The following ZFAT variants were observed in gnomAD, a reference collection of about 807,000 sequenced individuals.
The protein encoded by ZFAT is zinc finger protein ZFAT.
ZFAT carries 64 observed loss-of-function variants against 117.7 expected under a neutral mutation model. That is an observed-to-expected ratio of 0.54 (90% CI 0.44 to 0.67). ZFAT has a LOEUF of 0.67. Among genes scored for constraint, ZFAT ranks in the 30% least tolerant of loss-of-function variants. ZFAT has a pLI of 0.00. For missense variants in ZFAT, 1,433 were observed against 1,584.5 expected (o/e 0.90, Z 1.62); for synonymous variants, 679 against 615.0 (o/e 1.10, Z -1.54).
chr8:134,618,714 C>T (rs921046283), intron 3 of ZFAT, among the ~76,000 whole-genome samples: 6 of 152,136 alleles, frequency 3.9e-5, no homozygotes, highest in African/African-American at 1.4e-4. Context: ...TCTTAAGTGT[C>T]CATATTCAAA....
the ZFAT span, among the ~76,000 whole-genome samples, chr8:134,730,100 T>A: frequency 6.6e-6 from 1 of 152,178 alleles, no homozygotes; most frequent in Non-Finnish European, 1.5e-5. Context: ...TGCTCCCACT[T>A]GTGTCAGGGA....
intron 3 of ZFAT, among the ~76,000 whole-genome samples, chr8:134,617,260 T>C (rs1048746734): frequency 6.6e-6 from 1 of 152,208 alleles, no homozygotes; most frequent in Non-Finnish European, 1.5e-5. Flanking sequence ...ACTATGGCTC[T>C]GCACAGTCAC....
chr8:134,584,469 C>T (rs769476520), intron 9 of ZFAT, among the ~76,000 whole-genome samples: 1 of 152,332 alleles, frequency 6.6e-6, no homozygotes, highest in Non-Finnish European at 1.5e-5. Context: ...CTGAGTTAGA[C>T]TAAACACAAA....
At chr8:134,758,402 G>T in the ZFAT span, among the ~76,000 whole-genome samples, 1 of 152,234 alleles carries the variant, frequency 6.6e-6, no homozygotes, top group East Asian at 1.9e-4. Flanking sequence ...CCTACTAGCT[G>T]TGTGATGTTG....
intron 3 of ZFAT, among the ~76,000 whole-genome samples, chr8:134,633,865 T>C (rs1027286559): frequency 2.0e-5 from 3 of 152,128 alleles, no homozygotes; most frequent in Non-Finnish European, 4.4e-5. Context: ...GTCAACATGG[T>C]GAAACTCCAT....
At chr8:134,661,349 T>G (rs2131220083) in intron 1 of ZFAT, among the ~76,000 whole-genome samples, 1 of 152,256 alleles carries the variant, frequency 6.6e-6, no homozygotes, top group Middle Eastern at 3.4e-3. Flanking sequence ...TGGCAGCTCC[T>G]GAGAGAGCCA....
At chr8:134,799,642 G>C in the ZFAT span, among the ~76,000 whole-genome samples, 3 of 152,152 alleles carry the variant, frequency 2.0e-5, no homozygotes, top group South Asian at 6.2e-4. Flanking sequence ...GAGGCACAGA[G>C]AGATTAATAA....
the ZFAT span, among the ~76,000 whole-genome samples, chr8:134,818,499 G>C: frequency 6.6e-6 from 1 of 152,202 alleles, no homozygotes; most frequent in Non-Finnish European, 1.5e-5. Flanking sequence ...ATGTAAAATG[G>C]TACTGCCACT....
At chr8:134,515,214 G>A (rs564006752) in intron 13 of ZFAT, among the ~76,000 whole-genome samples, 8 of 152,268 alleles carry the variant, frequency 5.3e-5, no homozygotes, top group Non-Finnish European at 8.8e-5. Flanking sequence ...TCATTGATGG[G>A]CATTTGGGTT....
At chr8:134,522,281 A>G (rs1820721613) in intron 12 of ZFAT, among the ~76,000 whole-genome samples, 1 of 152,158 alleles carries the variant, frequency 6.6e-6, no homozygotes, top group Non-Finnish European at 1.5e-5. Flanking sequence ...CCATCAGACA[A>G]TTTGGCACCT....
intron 12 of ZFAT, among the ~76,000 whole-genome samples, chr8:134,526,830 AT>A (rs1821055004): frequency 9.0e-6 from 1 of 110,716 alleles, no homozygotes; most frequent in African/African-American, 4.9e-5. Context: ...TAAAGTTCAT[AT>A]TCTTTTTTTT....
At chr8:134,751,129 G>T in the ZFAT span, among the ~76,000 whole-genome samples, 1 of 152,088 alleles carries the variant, frequency 6.6e-6, no homozygotes, top group African/African-American at 2.4e-5. Flanking sequence ...GCAGGAAAGA[G>T]CAGAACATGG....
chr8:134,801,345 A>G, the ZFAT span, among the ~76,000 whole-genome samples: 1 of 152,186 alleles, frequency 6.6e-6, no homozygotes, highest in Non-Finnish European at 1.5e-5. Context: ...ATTCCCACAA[A>G]TATCTCCACT....
chr8:134,589,090 T>C (rs1688217874), intron 8 of ZFAT, among the ~76,000 whole-genome samples: 1 of 152,222 alleles, frequency 6.6e-6, no homozygotes, highest in African/African-American at 2.4e-5. Flanking sequence ...TACAGGAGGT[T>C]CCTGGCATTG....
chr8:134,554,032 G>A (rs879008663), intron 11 of ZFAT, among the ~76,000 whole-genome samples: 2 of 152,180 alleles, frequency 1.3e-5, no homozygotes, highest in African/African-American at 4.8e-5. Context: ...AACTACCCAC[G>A]GGGAATGCTG....
chr8:134,530,282 G>C (rs926936185), intron 12 of ZFAT, among the ~76,000 whole-genome samples: 1 of 152,186 alleles, frequency 6.6e-6, no homozygotes. Flanking sequence ...ATTTTTGGGG[G>C]AGTAGAAGAG....
chr8:134,668,299 C>G (rs1320037558), intron 1 of ZFAT, among the ~76,000 whole-genome samples: 1 of 152,178 alleles, frequency 6.6e-6, no homozygotes, highest in African/African-American at 2.4e-5. Flanking sequence ...TGAGAACGGA[C>G]AGACCCTCAA....
intron 1 of ZFAT, among the ~76,000 whole-genome samples, chr8:134,678,762 C>T (rs1037626949): frequency 9.2e-5 from 14 of 152,198 alleles, no homozygotes; most frequent in African/African-American, 3.4e-4. Flanking sequence ...TGGAACAGAA[C>T]AGAGGCCTCA....
chr8:134,692,612 C>G lies in ZFAT; in HGVS notation c.19+20233G>C, dbSNP rs1048743847. On this transcript the variant is annotated intron_variant, in intron 1 of 15. Coordinates refer to ENST00000377838, the MANE Select transcript of ZFAT (RefSeq NM_020863.4). ...AAAGGATGAAAGTAAATACAATAAACAAGTATGGGAGGAAATCTTAAAACA... is the reference window on the plus strand; with the variant it reads ...AAAGGATGAAAGTAAATACAATAAAGAAGTATGGGAGGAAATCTTAAAACA... 2.0e-5 allele frequency among the ~76,000 whole-genome samples: 3 copies of G among 152,200 alleles called. No individual in the cohort carries two copies. In the South Asian group the frequency reaches 6.2e-4, roughly 32 times the overall value.
Sources: gnomAD v4.1 joint callset for allele counts (sites outside exome capture counted in the v4.1 genomes callset) on GRCh38, gnomAD v4.1.1 for gene constraint, MANE v1.5 for transcripts, NCBI Gene and HGNC (gene_info 2026-07-23, HGNC 2026-07-21) for gene names.